ZNF385B: variants seen among roughly 807,000 people sequenced by gnomAD.
The protein encoded by ZNF385B is zinc finger protein 533.
A neutral mutation model predicts 39.2 loss-of-function variants in ZNF385B; 23 were observed. The ratio of observed to expected loss-of-function variants is 0.59; its 90% CI spans 0.42 to 0.83. ZNF385B has a LOEUF of 0.83. Ranked by LOEUF, ZNF385B falls within the 40% of genes least tolerant of loss-of-function variation. The probability of loss-of-function intolerance (pLI) is 0.00; values close to 1 mark genes in which losing one functional copy is unlikely to be tolerated. For synonymous variants in ZNF385B, 205 were observed against 222.6 expected (o/e 0.92, Z 0.70); for missense variants, 552 against 598.9 (o/e 0.92, Z 0.82).
At chr2:179,713,860 T>G (rs1210844718) in intron 3 of ZNF385B, among the ~76,000 whole-genome samples, 3 of 152,236 alleles carry the variant, frequency 2.0e-5, no homozygotes, top group African/African-American at 7.2e-5. Flanking sequence ...CCACTCACAG[T>G]GTAAGAATTT....
intron 1 of ZNF385B, among the ~76,000 whole-genome samples, chr2:179,786,563 T>C (rs776305742): frequency 4.6e-5 from 7 of 152,164 alleles, no homozygotes; most frequent in Non-Finnish European, 1.5e-5. Context: ...CTAGAGAATC[T>C]TAGGTAACCC....
At chr2:179,455,879 CA>C (rs58336646) in intron 6 of ZNF385B, among the ~76,000 whole-genome samples, 8,188 of 123,446 alleles carry the variant, frequency 0.066, 186 homozygotes, top group Middle Eastern at 0.11. Context: ...GACTGCATCT[CA>C]AAAAAAAAAA....
At chr2:179,820,865 T>C (rs572836036) in intron 1 of ZNF385B, among the ~76,000 whole-genome samples, 184 of 152,290 alleles carry the variant, frequency 1.2e-3, no homozygotes, top group Non-Finnish European at 2.1e-3. Context: ...GTTTTGTAAA[T>C]GGAAGTTCTA....
intron 3 of ZNF385B, among the ~76,000 whole-genome samples, chr2:179,717,301 G>C (rs1700390982): frequency 6.6e-6 from 1 of 152,158 alleles, no homozygotes; most frequent in Non-Finnish European, 1.5e-5. Context: ...TTAATCTTTT[G>C]AGGAGATAGA....
At chr2:179,806,067 T>A (rs915192964) in intron 1 of ZNF385B, among the ~76,000 whole-genome samples, 4 of 152,012 alleles carry the variant, frequency 2.6e-5, no homozygotes, top group Non-Finnish European at 5.9e-5. Context: ...GATTGTTAAA[T>A]ATAACCATAC....
At chr2:179,845,743 T>G (rs1408174970) in intron 1 of ZNF385B, among the ~76,000 whole-genome samples, 2 of 152,206 alleles carry the variant, frequency 1.3e-5, no homozygotes, top group African/African-American at 4.8e-5. Context: ...CCTAGAGACC[T>G]CCTAAGGAAT....
chr2:179,465,791 A>G (rs2105492553), intron 6 of ZNF385B, among the ~76,000 whole-genome samples: 1 of 152,168 alleles, frequency 6.6e-6, no homozygotes, highest in Non-Finnish European at 1.5e-5. Flanking sequence ...TACCTTTATA[A>G]TCCTCTTCAC....
chr2:179,592,046 T>C (rs1687609478), intron 3 of ZNF385B, among the ~76,000 whole-genome samples: 1 of 152,190 alleles, frequency 6.6e-6, no homozygotes, highest in Non-Finnish European at 1.5e-5. Context: ...AGAAACAATA[T>C]CTTTTCAAAA....
chr2:179,468,638 C>T (rs969629749), intron 6 of ZNF385B, among the ~76,000 whole-genome samples: 13 of 152,158 alleles, frequency 8.5e-5, no homozygotes, highest in East Asian at 3.8e-4. Flanking sequence ...CATTTGAATT[C>T]GGGTCTCCTC....
At chr2:179,449,683 A>T (rs1391184523) in intron 6 of ZNF385B, among the ~76,000 whole-genome samples, 2 of 152,186 alleles carry the variant, frequency 1.3e-5, no homozygotes, top group Admixed American at 6.5e-5. Flanking sequence ...TGCCCAAGGT[A>T]ATTTATAGAT....
chr2:179,803,190 G>C (rs1458236635), intron 1 of ZNF385B, among the ~76,000 whole-genome samples: 2 of 152,216 alleles, frequency 1.3e-5, no homozygotes, highest in East Asian at 3.9e-4. Flanking sequence ...AGTCAGTGTT[G>C]TTCATCATGA....
chr2:179,765,192 A>G (rs1703617758), intron 3 of ZNF385B, among the ~76,000 whole-genome samples: 1 of 151,916 alleles, frequency 6.6e-6, no homozygotes, highest in South Asian at 2.1e-4. Context: ...TATTCTTTCC[A>G]TTGTTCTTTC....
intron 1 of ZNF385B, among the ~76,000 whole-genome samples, chr2:179,777,790 T>C (rs1357546697): frequency 6.6e-6 from 1 of 151,818 alleles, no homozygotes; most frequent in Non-Finnish European, 1.5e-5. Context: ...TTTTTCTTTT[T>C]GGGATGGATG....
At chr2:179,547,330 A>C (rs955123199) in intron 3 of ZNF385B, among the ~76,000 whole-genome samples, 1 of 149,560 alleles carries the variant, frequency 6.7e-6, no homozygotes, top group Non-Finnish European at 1.5e-5. Flanking sequence ...TTTTTCACAT[A>C]GTAGTTTCAT....
At chr2:179,630,810 T>C (rs1691134165) in intron 3 of ZNF385B, among the ~76,000 whole-genome samples, 1 of 152,116 alleles carries the variant, frequency 6.6e-6, no homozygotes, top group Admixed American at 6.5e-5. Flanking sequence ...ATAAAAAGTG[T>C]AGAGAATACC....
intron 3 of ZNF385B, among the ~76,000 whole-genome samples, chr2:179,581,540 A>G (rs1263585486): frequency 6.6e-6 from 1 of 152,162 alleles, no homozygotes; most frequent in Non-Finnish European, 1.5e-5. Context: ...TATTCCTTTC[A>G]CACTAATTAT....
At chr2:179,759,618 A>C (rs1185297527) in intron 3 of ZNF385B, among the ~76,000 whole-genome samples, 1 of 152,092 alleles carries the variant, frequency 6.6e-6, no homozygotes, top group Non-Finnish European at 1.5e-5. Flanking sequence ...TTTTTCTTGA[A>C]TAATTTGAAA....
intron 3 of ZNF385B, among the ~76,000 whole-genome samples, chr2:179,624,977 T>C (rs1388432212): frequency 2.0e-5 from 3 of 152,112 alleles, no homozygotes. Flanking sequence ...GTTCAAGTGA[T>C]ATTAGAATAG....
intron 3 of ZNF385B, among the ~76,000 whole-genome samples, chr2:179,613,841 C>G (rs1262112321): frequency 6.6e-6 from 1 of 151,758 alleles, no homozygotes; most frequent in Non-Finnish European, 1.5e-5. Flanking sequence ...ATTTAGAACC[C>G]CAGAACACTT....
Sources: gnomAD v4.1 joint callset for allele counts (sites outside exome capture counted in the v4.1 genomes callset) on GRCh38, gnomAD v4.1.1 for gene constraint, MANE v1.5 for transcripts, NCBI Gene and HGNC (gene_info 2026-07-23, HGNC 2026-07-21) for gene names.